COL8A1: variants seen among roughly 807,000 people sequenced by gnomAD.
The protein encoded by COL8A1 is collagen alpha-1(VIII) chain.
COL8A1 carries 21 observed loss-of-function variants against 42.7 expected under a neutral mutation model. The observed-to-expected ratio is 0.49, with a 90% confidence interval of 0.35 to 0.71. The LOEUF is 0.71. COL8A1 is among the 30% of genes least tolerant of loss of function. The pLI is 0.01. For missense variants in COL8A1, 788 were observed against 962.4 expected (o/e 0.82, Z 2.40); for synonymous variants, 367 against 369.1 (o/e 0.99, Z 0.06).
chr3:99,702,927 G>T (rs1032887149), intron 1 of COL8A1, among the ~76,000 whole-genome samples: 3 of 152,132 alleles, frequency 2.0e-5, no homozygotes, highest in African/African-American at 7.2e-5. Flanking sequence ...GAGGGAGTGA[G>T]CTATAAGGAT....
intron 2 of COL8A1, among the ~76,000 whole-genome samples, chr3:99,778,762 C>T (rs761632920): frequency 6.6e-6 from 1 of 152,110 alleles, no homozygotes; most frequent in Non-Finnish European, 1.5e-5. Context: ...AGAGTAACAT[C>T]GATCCAGTGT....
intron 2 of COL8A1, among the ~76,000 whole-genome samples, chr3:99,772,823 T>C (rs945172640): frequency 1.3e-5 from 2 of 152,110 alleles, no homozygotes; most frequent in Admixed American, 6.6e-5. Flanking sequence ...GGAGAGGATA[T>C]TGCCAGCCTG....
intron 1 of COL8A1, among the ~76,000 whole-genome samples, chr3:99,733,652 G>C (rs534911742): frequency 2.0e-5 from 3 of 151,736 alleles, no homozygotes; most frequent in Non-Finnish European, 4.4e-5. Flanking sequence ...ATAGTCCTTT[G>C]GGTATATACC....
chr3:99,782,159 T>C (rs532778548), intron 2 of COL8A1, among the ~76,000 whole-genome samples: 5 of 152,192 alleles, frequency 3.3e-5, no homozygotes, highest in Non-Finnish European at 5.9e-5. Context: ...ATTATCATTA[T>C]TGTCCCTAAA....
chr3:99,693,699 T>C (rs1271452710), intron 1 of COL8A1, among the ~76,000 whole-genome samples: 1 of 152,220 alleles, frequency 6.6e-6, no homozygotes, highest in African/African-American at 2.4e-5. Context: ...GGAAGAAATG[T>C]TACAATAAGC....
At chr3:99,731,616 C>T (rs1940511522) in intron 1 of COL8A1, among the ~76,000 whole-genome samples, 1 of 152,146 alleles carries the variant, frequency 6.6e-6, no homozygotes, top group Admixed American at 6.6e-5. Flanking sequence ...TGCACCTCAT[C>T]TGCTGTGCAC....
chr3:99,724,985 C>T (rs770896823), intron 1 of COL8A1, among the ~76,000 whole-genome samples: 1 of 151,878 alleles, frequency 6.6e-6, no homozygotes, highest in Non-Finnish European at 1.5e-5. Context: ...AATAAGATTG[C>T]TTTATTTTGG....
chr3:99,778,533 G>C (rs916184308), intron 2 of COL8A1, among the ~76,000 whole-genome samples: 1 of 151,902 alleles, frequency 6.6e-6, no homozygotes, highest in Admixed American at 6.6e-5. Context: ...CAAGTATCCT[G>C]AAAATGAGTA....
At chr3:99,656,942 C>T (rs1044100413) in intron 1 of COL8A1, among the ~76,000 whole-genome samples, 3 of 152,204 alleles carry the variant, frequency 2.0e-5, no homozygotes, top group African/African-American at 2.4e-5. Flanking sequence ...GTTGTCAGAA[C>T]TTTCTTGACA....
intron 2 of COL8A1, among the ~76,000 whole-genome samples, chr3:99,754,228 T>C (rs1183669113): frequency 6.6e-6 from 1 of 152,228 alleles, no homozygotes; most frequent in African/African-American, 2.4e-5. Context: ...CCACCTGCTA[T>C]ACAATCTTAG....
At chr3:99,668,361 T>G (rs948258257) in intron 1 of COL8A1, among the ~76,000 whole-genome samples, 10 of 152,190 alleles carry the variant, frequency 6.6e-5, no homozygotes, top group Non-Finnish European at 1.5e-4. Flanking sequence ...TTCCAACTTT[T>G]GTGTTTTCAT....
intron 1 of COL8A1, among the ~76,000 whole-genome samples, chr3:99,741,292 G>A (rs1291535882): frequency 6.6e-6 from 1 of 151,826 alleles, no homozygotes; most frequent in Non-Finnish European, 1.5e-5. Flanking sequence ...TTGGTGATTT[G>A]TAAGAGCTCT....
chr3:99,730,345 G>T (rs1011577478), intron 1 of COL8A1, among the ~76,000 whole-genome samples: 1 of 152,092 alleles, frequency 6.6e-6, no homozygotes, highest in South Asian at 2.1e-4. Flanking sequence ...AGGCTATGTT[G>T]AAATGCATAT....
At chr3:99,685,713 C>T (rs2107327928) in intron 1 of COL8A1, among the ~76,000 whole-genome samples, 2 of 152,208 alleles carry the variant, frequency 1.3e-5, no homozygotes, top group Middle Eastern at 6.8e-3. Context: ...TACTAAAAGC[C>T]TATGGCCAAA....
At chr3:99,716,631 G>A (rs1271819443) in intron 1 of COL8A1, among the ~76,000 whole-genome samples, 2 of 151,994 alleles carry the variant, frequency 1.3e-5, no homozygotes, top group East Asian at 1.9e-4. Context: ...CTGTTACATC[G>A]GATGACTCAT....
chr3:99,675,047 T>A (rs943282048), intron 1 of COL8A1, among the ~76,000 whole-genome samples: 2 of 152,064 alleles, frequency 1.3e-5, no homozygotes, highest in African/African-American at 4.8e-5. Context: ...ACTAAGGCAG[T>A]CTAGGAATAA....
chr3:99,794,173 A>G lies in COL8A1; in HGVS notation c.329-57A>G. Reference sequence around the variant, plus strand: ...ACTTCATTGATGTGAGAGACAATCTACTAATCAATCTCTCTCTCTCCCCCC... The same window carrying G: ...ACTTCATTGATGTGAGAGACAATCTGCTAATCAATCTCTCTCTCTCCCCCC... On this transcript the variant is annotated intron_variant, in intron 3 of 3. Coordinates refer to ENST00000652472, the MANE Select transcript of COL8A1 (RefSeq NM_020351.4). The surrounding 1 kb of genome is among the most constrained non-coding windows in gnomAD (Gnocchi z 4.3). 1 of 1,080,144 alleles carries G rather than the reference A, an allele frequency of 9.3e-7. No homozygotes were observed. Among genetic ancestry groups the G allele is most frequent in the Non-Finnish European group, 1.3e-6 (1 of 748,792 alleles). 66.9% of individuals were successfully genotyped at this position (1,080,144 alleles called of 1,614,324 possible).
chr3:99,753,028 G>T (rs531771712), intron 2 of COL8A1, among the ~76,000 whole-genome samples: 2 of 152,188 alleles, frequency 1.3e-5, no homozygotes, highest in South Asian at 2.1e-4. Flanking sequence ...AGCAAAATGG[G>T]AGGACTGGGC....
intron 1 of COL8A1, among the ~76,000 whole-genome samples, chr3:99,721,064 TC>T (rs1940136055): frequency 6.6e-6 from 1 of 151,868 alleles, no homozygotes; most frequent in African/African-American, 2.4e-5. Context: ...GAGAGCATTC[TC>T]CAAGCCACTC....
Sources: allele counts gnomAD v4.1 joint callset (sites outside exome capture counted in the v4.1 genomes callset), GRCh38; gene constraint gnomAD v4.1.1; non-coding constraint Gnocchi (gnomAD v3.1); transcripts MANE v1.5; gene names NCBI Gene and HGNC (gene_info 2026-07-23, HGNC 2026-07-21).